The following ITGBL1 variants were observed in gnomAD, a reference collection of about 807,000 sequenced individuals.
The protein encoded by ITGBL1 is integrin subunit beta like 1, also known as integrin beta-like protein 1.
In ITGBL1, 51 loss-of-function variants were observed where a neutral mutation model predicts 68.5. The observed-to-expected ratio is 0.74, with a 90% CI of 0.59 to 0.94. ITGBL1 has a LOEUF of 0.94. ITGBL1 is among the 40% of genes least tolerant of loss of function. The pLI is 0.00. For missense variants in ITGBL1, 649 were observed against 647.4 expected, an observed-to-expected ratio of 1.00 and a Z score of -0.03; for synonymous variants, 209 against 227.3, an observed-to-expected ratio of 0.92 and a Z score of 0.72.
At chr13:101,544,857 C>T (rs1431953294) in intron 2 of ITGBL1, among the ~76,000 whole-genome samples, 3 of 152,210 alleles carry the variant, frequency 2.0e-5, no homozygotes, top group Admixed American at 6.5e-5. Context: ...CCAAGTCAGG[C>T]GCGAGATATA....
intron 6 of ITGBL1, among the ~76,000 whole-genome samples, chr13:101,588,975 T>C (rs929264631): frequency 2.0e-5 from 3 of 152,222 alleles, no homozygotes; most frequent in Non-Finnish European, 4.4e-5. Context: ...CTGATATTTC[T>C]AAGTGATTTT....
intron 6 of ITGBL1, among the ~76,000 whole-genome samples, chr13:101,585,270 A>G (rs2050532581): frequency 6.6e-6 from 1 of 152,174 alleles, no homozygotes; most frequent in South Asian, 2.1e-4. Context: ...TTGTTTCTAG[A>G]CATCTCCAGC....
At chr13:101,537,062 C>T (rs2049590049) in intron 2 of ITGBL1, among the ~76,000 whole-genome samples, 2 of 54,868 alleles carry the variant, frequency 3.6e-5, no homozygotes, top group African/African-American at 1.6e-4. Flanking sequence ...TTCTATTCCC[C>T]ATTGGATAAA....
intron 2 of ITGBL1, among the ~76,000 whole-genome samples, chr13:101,535,720 G>A (rs1043815150): frequency 2.6e-5 from 4 of 151,982 alleles, no homozygotes; most frequent in African/African-American, 7.2e-5. Context: ...CAACTTGTTC[G>A]GAGATGTTCT....
chr13:101,654,641 G>A (rs980880134), intron 7 of ITGBL1, among the ~76,000 whole-genome samples: 1 of 152,060 alleles, frequency 6.6e-6, no homozygotes, highest in African/African-American at 2.4e-5. Context: ...GTTCTCCTTC[G>A]GTCATGTTAC....
chr13:101,642,600 G>T (rs2032419881), intron 7 of ITGBL1, among the ~76,000 whole-genome samples: 1 of 151,984 alleles, frequency 6.6e-6, no homozygotes, highest in Non-Finnish European at 1.5e-5. Flanking sequence ...GGCTTTTGTT[G>T]CCATTGCTTT....
At chr13:101,630,946 T>C (rs1566765943) in intron 7 of ITGBL1, among the ~76,000 whole-genome samples, 1 of 152,198 alleles carries the variant, frequency 6.6e-6, no homozygotes, top group African/African-American at 2.4e-5. Context: ...TTTTGAAGCA[T>C]GTGTTCTGAA....
chr13:101,638,896 T>G (rs548211955), intron 7 of ITGBL1, among the ~76,000 whole-genome samples: 1 of 152,298 alleles, frequency 6.6e-6, no homozygotes, highest in Admixed American at 6.5e-5. Flanking sequence ...ACAAATAAAT[T>G]TTGGCTTTTA....
chr13:101,500,199 A>G (rs1338306273), intron 2 of ITGBL1, among the ~76,000 whole-genome samples: 2 of 151,770 alleles, frequency 1.3e-5, no homozygotes, highest in Non-Finnish European at 2.9e-5. Context: ...AACAAGCCAG[A>G]AAAAAAAAGT....
chr13:101,656,854 A>G (rs2032940548), intron 7 of ITGBL1, among the ~76,000 whole-genome samples: 1 of 152,156 alleles, frequency 6.6e-6, no homozygotes, highest in Admixed American at 6.5e-5. Flanking sequence ...TCAATAAAAT[A>G]CATCTTAAAT....
At chr13:101,531,691 T>TTTTTATTTTGTTA (rs1566718462) in intron 2 of ITGBL1, among the ~76,000 whole-genome samples, 1 of 143,558 alleles carries the variant, frequency 7.0e-6, no homozygotes, top group African/African-American at 2.6e-5. Flanking sequence ...GTTTTATTTT[T>TTTTTATTTTGTTA]TTTATTTTGT....
At chr13:101,501,332 A>C (rs1447976462) in intron 2 of ITGBL1, among the ~76,000 whole-genome samples, 3 of 152,236 alleles carry the variant, frequency 2.0e-5, no homozygotes, top group African/African-American at 7.2e-5. Flanking sequence ...TAGTATGGAG[A>C]GTGACTGTCC....
At chr13:101,540,371 G>A (rs939609184) in intron 2 of ITGBL1, among the ~76,000 whole-genome samples, 115 of 152,068 alleles carry the variant, frequency 7.6e-4, no homozygotes, top group Admixed American at 3.3e-3. Context: ...GTAGATATGC[G>A]GCATTATTTC....
At chr13:101,632,149 CTATATA>C (rs957458892) in intron 7 of ITGBL1, among the ~76,000 whole-genome samples, 2 of 141,620 alleles carry the variant, frequency 1.4e-5, no homozygotes, top group South Asian at 2.2e-4. Flanking sequence ...CTCTCTCTCT[CTATATA>C]TATATATATC....
intron 7 of ITGBL1, among the ~76,000 whole-genome samples, chr13:101,599,219 C>A (rs1216310800): frequency 3.3e-5 from 5 of 151,676 alleles, no homozygotes; most frequent in African/African-American, 1.2e-4. Flanking sequence ...TGTCTTTTGG[C>A]TGCATAAATG....
intron 7 of ITGBL1, among the ~76,000 whole-genome samples, chr13:101,687,721 G>A (rs973504611): frequency 2.6e-5 from 4 of 152,026 alleles, no homozygotes; most frequent in African/African-American, 9.7e-5. Context: ...CTTAATAAGA[G>A]TAGGCAGACT....
intron 2 of ITGBL1, among the ~76,000 whole-genome samples, chr13:101,512,356 T>C (rs924716175): frequency 6.6e-6 from 1 of 152,166 alleles, no homozygotes. Context: ...TCTCCACGTC[T>C]CTTCTAAGAT....
At chr13:101,569,136 A>G (rs1228858025) in intron 3 of ITGBL1, among the ~76,000 whole-genome samples, 2 of 151,324 alleles carry the variant, frequency 1.3e-5, no homozygotes, top group Admixed American at 1.3e-4. Context: ...ACGCGCGCGC[A>G]TGCCCCATAG....
At position 101,598,313 on chromosome 13, in the gene ITGBL1, C is replaced by T. The variant is rs9554810; in HGVS notation, c.1015+14C>T. ...GCTCTGGGAGGGGTAAGTGAGGTCT[C>T]TCAGGGCTTCCCACGGCCTCTCCAT... On this transcript the variant is annotated intron_variant, in intron 7 of 10. Coordinates refer to ENST00000376180, the MANE Select transcript of ITGBL1 (RefSeq NM_004791.3). 3 of 1,577,290 alleles carry T rather than the reference C, an allele frequency of 1.9e-6. No homozygotes were observed. The South Asian group carries it at 3.5e-5, about 19-fold the overall frequency.
Sources: gnomAD v4.1 joint callset for allele counts (sites outside exome capture counted in the v4.1 genomes callset) on GRCh38, gnomAD v4.1.1 for gene constraint, MANE v1.5 for transcripts, NCBI Gene and HGNC (gene_info 2026-07-23, HGNC 2026-07-21) for gene names.